The following FNDC3A variants were observed in gnomAD, a reference collection of about 807,000 sequenced individuals.
FNDC3A encodes fibronectin type III domain containing 3A, also known as fibronectin type-III domain-containing protein 3A.
A neutral mutation model predicts 148.9 loss-of-function variants in FNDC3A; 32 were observed. The observed-to-expected ratio is 0.21, with a 90% confidence interval of 0.16 to 0.29. The LOEUF is 0.29. FNDC3A is among the 10% of genes least tolerant of loss of function. FNDC3A has a pLI of 1.00. For synonymous variants in FNDC3A, 472 were observed against 473.6 expected, an observed-to-expected ratio of 1.00 and a Z score of 0.04; for missense variants, 1,191 against 1,452.8, an observed-to-expected ratio of 0.82 and a Z score of 2.93.
Position 49,197,078 on chromosome 13 carries a change from C to T in FNDC3A, c.2340+88C>T, listed in dbSNP as rs562957763. ...GAATAAAGATACTGTTCATTTTTAC[C>T]GCCTATATTATACAGAGTAAGCCCT... On this transcript the variant is annotated intron_variant, in intron 20 of 25. Coordinates refer to ENST00000492622, the MANE Select transcript of FNDC3A (RefSeq NM_001079673.2). 1.2e-4 allele frequency: 93 copies of T among 754,714 alleles called. No homozygotes were observed. In the African/African-American group the frequency reaches 1.3e-3, roughly 10 times the overall value. The allele number at this position is 754,714 out of a possible 1,614,324, so 46.8% of individuals were successfully genotyped here.
At chr13:49,082,582 A>T (rs1878549926) in intron 3 of FNDC3A, among the ~76,000 whole-genome samples, 1 of 152,026 alleles carries the variant, frequency 6.6e-6, no homozygotes, top group African/African-American at 2.4e-5. Flanking sequence ...TTCCTTCCTA[A>T]TAGCTCAGTC....
At chr13:48,986,599 T>C (rs1216381037) in intron 1 of FNDC3A, among the ~76,000 whole-genome samples, 2 of 152,000 alleles carry the variant, frequency 1.3e-5, no homozygotes, top group African/African-American at 2.4e-5. Context: ...GGTTTCACCA[T>C]GTTGGTCAGA....
chr13:49,021,132 T>C (rs1267125519), intron 2 of FNDC3A, among the ~76,000 whole-genome samples: 1 of 152,202 alleles, frequency 6.6e-6, no homozygotes, highest in Non-Finnish European at 1.5e-5. Context: ...GGTATTAAAA[T>C]GATTAATATA....
At chr13:48,983,679 G>C (rs937692231) in intron 1 of FNDC3A, among the ~76,000 whole-genome samples, 3 of 152,160 alleles carry the variant, frequency 2.0e-5, no homozygotes, top group African/African-American at 2.4e-5. Context: ...ATGATTAATA[G>C]GCATTAAACA....
Position 49,150,943 on chromosome 13 carries a change from C to CAA in FNDC3A, c.977+5028_977+5029dup, listed in dbSNP as rs35888648. Among the ~76,000 whole-genome samples, 966 of 107,086 alleles carry CAA rather than the reference C, an allele frequency of 9.0e-3. 17 individuals are homozygous for CAA. The highest frequency in any genetic ancestry group is 0.032 in the African/African-American group (917 of 28,500). The allele number at this position is 107,086 out of a possible 152,430, so 70.3% of individuals were successfully genotyped here. On this transcript the variant is annotated intron_variant, in intron 8 of 25. Transcript: ENST00000492622. ...CTGGCAACCCAGCAAGACTCCGTCTCAAAAAAAAAAAAAAAAAAAAATTGT... is the reference window on the plus strand; with the variant it reads ...CTGGCAACCCAGCAAGACTCCGTCTCAAAAAAAAAAAAAAAAAAAAAAATTGT...
intron 1 of FNDC3A, among the ~76,000 whole-genome samples, chr13:49,002,852 C>T (rs776627250): frequency 5.3e-5 from 8 of 152,110 alleles, no homozygotes; most frequent in Non-Finnish European, 1.2e-4. Context: ...CATTTAGGGC[C>T]ATTAACAAGT....
At chr13:49,166,001 C>T (rs1382992808) in intron 8 of FNDC3A, among the ~76,000 whole-genome samples, 1 of 152,108 alleles carries the variant, frequency 6.6e-6, no homozygotes, top group Non-Finnish European at 1.5e-5. Flanking sequence ...TGCTCAAACA[C>T]TGGGGGCACA....
chr13:49,196,704 T>G (rs903739985), intron 19 of FNDC3A, among the ~76,000 whole-genome samples, 173 bp from the exon 20 acceptor site: 3 of 152,198 alleles, frequency 2.0e-5, no homozygotes, highest in African/African-American at 7.2e-5. Flanking sequence ...ACCTTTACTT[T>G]CATGATTTTT....
At chr13:49,202,499 ACT>A (rs974020329) in intron 24 of FNDC3A, among the ~76,000 whole-genome samples, 1 of 152,152 alleles carries the variant, frequency 6.6e-6, no homozygotes, top group African/African-American at 2.4e-5. Flanking sequence ...CAAGGGCTAC[ACT>A]CTATTTTTAG....
rs190293527 is a variant in FNDC3A at position 49,162,534 on chromosome 13, T to G, written c.978-4710T>G. Among the ~76,000 whole-genome samples, 387 of 152,320 alleles carry G rather than the reference T, an allele frequency of 2.5e-3. 1 individual carries two copies. Among genetic ancestry groups the G allele is most frequent in the Non-Finnish European group, 4.6e-3 (313 of 68,018 alleles). On this transcript the variant is annotated intron_variant, in intron 8 of 25. Coordinates refer to ENST00000492622, the MANE Select transcript of FNDC3A (RefSeq NM_001079673.2). Reference sequence around the variant, plus strand: ...TAATCTTTTTTCAAGGTTTTTAGCTTCCTTGTGACGGGTTCAAACATCTTC... The same window carrying G: ...TAATCTTTTTTCAAGGTTTTTAGCTGCCTTGTGACGGGTTCAAACATCTTC...
chr13:49,162,506 G>A (rs886779442), intron 8 of FNDC3A, among the ~76,000 whole-genome samples: 5 of 152,222 alleles, frequency 3.3e-5, no homozygotes, highest in Middle Eastern at 3.4e-3. Context: ...TTAGCCATTC[G>A]TCTAATCTTT....
chr13:49,026,942 A>G (rs1162099617), intron 2 of FNDC3A, among the ~76,000 whole-genome samples: 1 of 152,172 alleles, frequency 6.6e-6, no homozygotes, highest in Non-Finnish European at 1.5e-5. Context: ...TGATTGGCTT[A>G]TATATCCACC....
At chr13:49,159,005 C>G (rs1036122314) in intron 8 of FNDC3A, among the ~76,000 whole-genome samples, 6 of 152,170 alleles carry the variant, frequency 3.9e-5, no homozygotes, top group Non-Finnish European at 7.3e-5. Flanking sequence ...CAGTAACATG[C>G]TGTTTTAGTT....
At chr13:49,199,328 A>AT (rs35601446) in intron 23 of FNDC3A, among the ~76,000 whole-genome samples, 6,086 of 133,140 alleles carry the variant, frequency 0.046, 364 homozygotes, top group African/African-American at 0.13. Flanking sequence ...GACCGAAACA[A>AT]TTTTTTTTTT....
At chr13:49,041,912 G>A (rs966576079) in intron 2 of FNDC3A, among the ~76,000 whole-genome samples, 1 of 151,894 alleles carries the variant, frequency 6.6e-6, no homozygotes, top group Non-Finnish European at 1.5e-5. Context: ...TGGTTTCATA[G>A]TGAGCTTTTA....
In FNDC3A at chr13:49,131,220, C is replaced by T. The variant is rs755772101; in HGVS notation, c.336C>T (p.His112=). 11 of 1,614,006 alleles carry T rather than the reference C, an allele frequency of 6.8e-6. No homozygotes were observed. Among genetic ancestry groups the T allele is most frequent in the East Asian group, 2.2e-5 (1 of 44,892 alleles). ...ACCCTGGTAGTCACACAGTTCTCCA[C>T]CGTTCTCCACATCCTCCTCTACCTG... ...EFHPGSHTVL[H]RSPHPPLPGF... is the part of the protein sequence containing the mutation. The change falls in exon 5 of 26, where the codon CAC becomes CAT. Residue 112 remains histidine, a synonymous_variant. Coordinates refer to ENST00000492622, the MANE Select transcript of FNDC3A (RefSeq NM_001079673.2).
At chr13:49,068,455 T>G (rs1458910571) in intron 2 of FNDC3A, among the ~76,000 whole-genome samples, 1 of 152,136 alleles carries the variant, frequency 6.6e-6, no homozygotes, top group African/African-American at 2.4e-5. Context: ...AATCTAATAG[T>G]GGTGAATCAA....
At chr13:49,168,172 A>G (rs2138045561) in intron 9 of FNDC3A, among the ~76,000 whole-genome samples, 1 of 152,304 alleles carries the variant, frequency 6.6e-6, no homozygotes, top group Admixed American at 6.5e-5. Flanking sequence ...CTGTTAAACT[A>G]CTAAGTGTTC....
chr13:49,160,013 G>T (rs1028251738), intron 8 of FNDC3A, among the ~76,000 whole-genome samples: 1 of 152,122 alleles, frequency 6.6e-6, no homozygotes, highest in Non-Finnish European at 1.5e-5. Context: ...TGCTGGATTC[G>T]GTTTGCCAGT....
Sources: gnomAD v4.1 joint callset for allele counts (sites outside exome capture counted in the v4.1 genomes callset) on GRCh38, gnomAD v4.1.1 for gene constraint, MANE v1.5 for transcripts, NCBI Gene and HGNC (gene_info 2026-07-23, HGNC 2026-07-21) for gene names.